SMYD1: variants seen among roughly 807,000 people sequenced by gnomAD.
SMYD1 encodes histone-lysine N-methyltransferase SMYD1.
A neutral mutation model predicts 54.0 loss-of-function variants in SMYD1; 49 were observed. The observed-to-expected ratio is 0.91, with a 90% CI of 0.72 to 1.15. The LOEUF (loss-of-function observed/expected upper bound fraction) is 1.15. SMYD1 is among the 50% of genes most tolerant of loss of function. The pLI is 0.00. For missense variants in SMYD1, 653 were observed against 639.6 expected, an observed-to-expected ratio of 1.02 and a Z score of -0.23; for synonymous variants, 269 against 234.2, an observed-to-expected ratio of 1.15 and a Z score of -1.36.
intron 1 of SMYD1, among the ~76,000 whole-genome samples, chr2:88,083,958 G>A (rs1558849823): frequency 6.6e-6 from 1 of 152,316 alleles, no homozygotes; most frequent in South Asian, 2.1e-4. Flanking sequence ...GCTGGGTGTG[G>A]TGGCACATGC....
At chr2:88,086,781 A>G (rs1674337752) in intron 2 of SMYD1, among the ~76,000 whole-genome samples, 1 of 152,090 alleles carries the variant, frequency 6.6e-6, no homozygotes. Flanking sequence ...GATTTCAGAA[A>G]TGAAATTTAT....
At chr2:88,079,937 T>C (rs1268679258) in intron 1 of SMYD1, among the ~76,000 whole-genome samples, 2 of 152,186 alleles carry the variant, frequency 1.3e-5, no homozygotes, top group South Asian at 2.1e-4. Context: ...TCCATAAGGG[T>C]CTAAGTTCTG....
chr2:88,091,074 C>T lies in SMYD1; in HGVS notation c.591C>T (p.Ile197=), dbSNP rs372776116. ...GCCTGCAGGCCGTGGGCGTAGGCATCTTCCCCAACCTGGGCCTGGTGAACC... is the reference window on the plus strand; with the variant it reads ...GCCTGCAGGCCGTGGGCGTAGGCATTTTCCCCAACCTGGGCCTGGTGAACC... The part of the protein sequence containing the change: ...QRGLQAVGVG[I]FPNLGLVNHD... Residue 197 remains isoleucine (I), a synonymous_variant, in exon 4 of 10, where the codon ATC becomes ATT. Transcript: ENST00000419482. 2.5e-4 allele frequency: 397 copies of T among 1,614,074 alleles called. No homozygotes were observed. The highest frequency in any genetic ancestry group is 3.3e-4 in the Non-Finnish European group (384 of 1,180,038).
intron 3 of SMYD1, among the ~76,000 whole-genome samples, chr2:88,089,858 C>T (rs1168622719): frequency 1.3e-5 from 2 of 152,020 alleles, no homozygotes; most frequent in African/African-American, 4.8e-5. Flanking sequence ...TTCCAAAGTG[C>T]TGGGATTACA....
Position 88,096,768 on chromosome 2 carries a change from T to G in SMYD1, c.872T>G (p.Val291Gly), listed in dbSNP as rs1487246929. The G allele has an allele frequency of 6.2e-7, 1 of 1,613,440 alleles. No homozygotes were observed. The highest frequency in any genetic ancestry group is 1.3e-5 in the African/African-American group (1 of 74,956). The change falls in exon 6 of 10, where the codon GTG becomes GGG. Residue 291 changes from valine (V) to glycine (G), a missense_variant. Transcript: ENST00000419482. ...CTGAAGGATGACCTCTTCCTGGGGG[T>G]GAAAGACAACCCCAAGGTACACACA... ...KKLKDDLFLG[V>G]KDNPKPSQEV... is the part of the protein sequence containing the mutation.
At chr2:88,087,229 A>G (rs1424545319) in intron 2 of SMYD1, among the ~76,000 whole-genome samples, 2 of 152,104 alleles carry the variant, frequency 1.3e-5, no homozygotes, top group Non-Finnish European at 2.9e-5. Context: ...CAGAGAGGTC[A>G]AGTGACTTGC....
At chr2:88,072,889 A>C (rs917967080) in intron 1 of SMYD1, among the ~76,000 whole-genome samples, 2 of 152,176 alleles carry the variant, frequency 1.3e-5, no homozygotes, top group African/African-American at 4.8e-5. Flanking sequence ...ATATTAATTT[A>C]ATTAGATGCC....
At chr2:88,101,784 G>T (rs3098769) in intron 6 of SMYD1, among the ~76,000 whole-genome samples, 65,823 of 151,788 alleles carry the variant, frequency 0.43, 15,591 homozygotes, top group African/African-American at 0.65. Context: ...TTTTGTATTT[G>T]TAGTAGAGCT....
In SMYD1 at chr2:88,094,450, G is replaced by A. The variant is rs542751734; in HGVS notation, c.698+895G>A. On this transcript the variant is annotated intron_variant, in intron 5 of 9. Transcript: ENST00000419482. ...ATTGTTTGAGGTAGAAGGGGTCTGG[G>A]GTCCAGAGTGGGGATGAAGCTTGTC... Among the ~76,000 whole-genome samples, 4 of 152,224 alleles carry A rather than the reference G, an allele frequency of 2.6e-5. No individual in the cohort carries two copies. The East Asian group carries it at 7.7e-4, about 29-fold the overall frequency.
intron 9 of SMYD1, among the ~76,000 whole-genome samples, chr2:88,109,443 A>G (rs1026548696): frequency 6.6e-6 from 1 of 152,110 alleles, no homozygotes. Flanking sequence ...CTCATCAGTA[A>G]AATAGGGGGA....
chr2:88,107,508 G>T (rs1052649220), intron 8 of SMYD1, among the ~76,000 whole-genome samples: 1 of 152,172 alleles, frequency 6.6e-6, no homozygotes, highest in Non-Finnish European at 1.5e-5. Context: ...ACTCCCAAAT[G>T]CTGTGAGCTT....
At chr2:88,068,708 G>C (rs1673885604) in intron 1 of SMYD1, among the ~76,000 whole-genome samples, 1 of 150,000 alleles carries the variant, frequency 6.7e-6, no homozygotes, top group African/African-American at 2.5e-5. Context: ...GTCTATCCTT[G>C]CAGGAACTTT....
intron 7 of SMYD1, among the ~76,000 whole-genome samples, chr2:88,105,556 A>G (rs1398480442): frequency 6.6e-6 from 1 of 152,170 alleles, no homozygotes; most frequent in Non-Finnish European, 1.5e-5. Context: ...AACACCTAAT[A>G]CTATGTAAAT....
chr2:88,103,890 C>T (rs1350815924), intron 7 of SMYD1, among the ~76,000 whole-genome samples: 3 of 151,922 alleles, frequency 2.0e-5, no homozygotes, highest in Admixed American at 2.0e-4. Flanking sequence ...TCCTCAAGCT[C>T]GCTAAGCAAC....
At chr2:88,082,086 C>T (rs1674211300) in intron 1 of SMYD1, among the ~76,000 whole-genome samples, 1 of 152,036 alleles carries the variant, frequency 6.6e-6, no homozygotes, top group Non-Finnish European at 1.5e-5. Flanking sequence ...CCATGTGGGC[C>T]CCATGTGCTC....
At chr2:88,098,653 A>G (rs980356436) in intron 6 of SMYD1, among the ~76,000 whole-genome samples, 5 of 152,232 alleles carry the variant, frequency 3.3e-5, no homozygotes, top group African/African-American at 1.2e-4. Flanking sequence ...GAATACTGGA[A>G]GAAGAATTAT....
intron 7 of SMYD1, among the ~76,000 whole-genome samples, chr2:88,104,934 G>C (rs1402277085): frequency 6.6e-6 from 1 of 152,132 alleles, no homozygotes; most frequent in Non-Finnish European, 1.5e-5. Flanking sequence ...CATCCTTCTG[G>C]GGATGTTTCC....
intron 9 of SMYD1, 103 bp downstream of exon 9, chr2:88,108,642 CCAG>C: frequency 3.3e-6 from 4 of 1,214,774 alleles, no homozygotes; most frequent in Non-Finnish European, 4.4e-6. Context: ...CCACATACTC[CCAG>C]CTAGACAAAA....
In SMYD1 at chr2:88,079,412, T is replaced by C. The variant is rs151311512; in HGVS notation, c.138-4904T>C. ...GGAGGCAAATGCCAGGCCAGACATA[T>C]TCTTTCTGTTGGAGCCAGGCTAGGA... On this transcript the variant is annotated intron_variant, in intron 1 of 9. Transcript: ENST00000419482. 2.4e-3 allele frequency among the ~76,000 whole-genome samples: 367 copies of C among 152,334 alleles called. 1 individual carries two copies. Among genetic ancestry groups the C allele is most frequent in the Non-Finnish European group, 4.6e-3 (312 of 68,034 alleles).
Sources: allele counts gnomAD v4.1 joint callset (sites outside exome capture counted in the v4.1 genomes callset), GRCh38; gene constraint gnomAD v4.1.1; transcripts MANE v1.5; gene names NCBI Gene and HGNC (gene_info 2026-07-23, HGNC 2026-07-21).